Variants in CEP128 observed in about 807,000 individuals in gnomAD.
CEP128 encodes centrosomal protein 128.
CEP128 carries 132 observed loss-of-function variants against 156.7 expected under a neutral mutation model. That is an observed-to-expected ratio of 0.84 (90% CI 0.73 to 0.97). CEP128 has a LOEUF of 0.97. CEP128 is among the 50% of genes least tolerant of loss of function. The pLI is 0.00. For synonymous variants in CEP128, 469 were observed against 448.9 expected (o/e 1.04, Z -0.57); for missense variants, 1,252 against 1,281.9 (o/e 0.98, Z 0.36).
At chr14:80,647,064 TATATATATATATATATATATATAC>T (rs1461624861) in intron 19 of CEP128, among the ~76,000 whole-genome samples, 1 of 26,428 alleles carries the variant, frequency 3.8e-5, no homozygotes, top group African/African-American at 7.2e-5. Context: ...TATATATATA[TATATATATATATATATATATATAC>T]ACCCTTATAA....
chr14:80,852,110 T>A (rs1001147579), intron 9 of CEP128, among the ~76,000 whole-genome samples: 1 of 152,058 alleles, frequency 6.6e-6, no homozygotes, highest in Non-Finnish European at 1.5e-5. Flanking sequence ...ATGTATGACA[T>A]GCACAAGCAC....
chr14:80,881,650 T>A (rs780874603), intron 8 of CEP128, among the ~76,000 whole-genome samples: 3 of 152,176 alleles, frequency 2.0e-5, no homozygotes, highest in Non-Finnish European at 4.4e-5. Flanking sequence ...ATATCCTTGA[T>A]GAATACTGAT....
rs1301369436 is a variant in CEP128 at position 80,840,727 on chromosome 14, C to T, written c.804G>A (p.Gly268=). 5 of 1,610,942 alleles carry T rather than the reference C, an allele frequency of 3.1e-6. No homozygotes were observed. The highest frequency in any genetic ancestry group is 1.1e-5 in the South Asian group (1 of 90,676). ...TTTGTCTTAGCTTATTTTTTATTGC[C>T]CCCTCATGCTCATCTGCTTTAGCTT... ...KQEAKADEHE[G]AIKNKLRQTE... The change falls in exon 10 of 25, where the codon GGG becomes GGA. Residue 268 remains glycine, a synonymous_variant. Transcript: ENST00000555265.
intron 24 of CEP128, among the ~76,000 whole-genome samples, chr14:80,501,873 A>G (rs1374277136): frequency 6.6e-6 from 1 of 151,756 alleles, no homozygotes; most frequent in Non-Finnish European, 1.5e-5. Flanking sequence ...TCTCAAGCAG[A>G]AGCACCTCTC....
At chr14:80,655,816 C>T (rs1405155502) in intron 19 of CEP128, among the ~76,000 whole-genome samples, 1 of 152,158 alleles carries the variant, frequency 6.6e-6, no homozygotes, top group Non-Finnish European at 1.5e-5. Flanking sequence ...GAGATAAAGC[C>T]AGATCCCTGT....
chr14:80,886,817 T>C (rs1888829688), intron 8 of CEP128, among the ~76,000 whole-genome samples: 1 of 152,184 alleles, frequency 6.6e-6, no homozygotes, highest in African/African-American at 2.4e-5. Flanking sequence ...ATGCCCCAAT[T>C]AAAAGACACA....
intron 21 of CEP128, among the ~76,000 whole-genome samples, chr14:80,554,115 CT>C (rs778515812): frequency 2.6e-5 from 4 of 152,034 alleles, no homozygotes; most frequent in Non-Finnish European, 4.4e-5. Flanking sequence ...TGGGGATGGC[CT>C]TTTCAAATTT....
At chr14:80,923,612 C>CA (rs747821388) in intron 2 of CEP128, among the ~76,000 whole-genome samples, 123 of 152,318 alleles carry the variant, frequency 8.1e-4, no homozygotes, top group Non-Finnish European at 1.3e-3. Flanking sequence ...CTGTGGCCTC[C>CA]AAGTGCCTCA....
At chr14:80,842,884 ACAG>A (rs1886409643) in intron 9 of CEP128, among the ~76,000 whole-genome samples, 1 of 152,014 alleles carries the variant, frequency 6.6e-6, no homozygotes, top group South Asian at 2.1e-4. Context: ...GTTGAAGATC[ACAG>A]CAACAACAAT....
chr14:80,499,529 A>G lies in CEP128; in HGVS notation c.3182-1947T>C, dbSNP rs542191208. ...CATATTTTCCCCATGAAGAATAACAATTCCTTCCTTTTGGGCTTATTTATT... is the reference window on the plus strand; with the variant it reads ...CATATTTTCCCCATGAAGAATAACAGTTCCTTCCTTTTGGGCTTATTTATT... On this transcript the variant is annotated intron_variant, in intron 24 of 24. Coordinates refer to ENST00000555265, the MANE Select transcript of CEP128 (RefSeq NM_152446.5). Among the ~76,000 whole-genome samples, 14 of 152,316 alleles carry G rather than the reference A, an allele frequency of 9.2e-5. No individual in the cohort carries two copies. In the East Asian group the frequency reaches 2.7e-3, roughly 29 times the overall value.
intron 13 of CEP128, among the ~76,000 whole-genome samples, chr14:80,816,535 C>T (rs1177518852): frequency 1.3e-5 from 2 of 152,208 alleles, no homozygotes; most frequent in East Asian, 3.9e-4. Flanking sequence ...GCCCAGCCAG[C>T]ACCCTACTTC....
At chr14:80,755,189 G>C (rs903751510) in intron 18 of CEP128, among the ~76,000 whole-genome samples, 6 of 152,172 alleles carry the variant, frequency 3.9e-5, no homozygotes, top group African/African-American at 1.4e-4. Flanking sequence ...CATGCTGGAT[G>C]CTTCCTGCCC....
intron 21 of CEP128, among the ~76,000 whole-genome samples, chr14:80,553,476 T>C (rs938757845): frequency 6.6e-6 from 1 of 152,220 alleles, no homozygotes; most frequent in Non-Finnish European, 1.5e-5. Flanking sequence ...TTTCCGTTTC[T>C]GGGTTCTCTA....
At chr14:80,618,743 C>A (rs1893336901) in intron 19 of CEP128, among the ~76,000 whole-genome samples, 1 of 152,126 alleles carries the variant, frequency 6.6e-6, no homozygotes, top group Non-Finnish European at 1.5e-5. Flanking sequence ...AAGCTGGGAC[C>A]CTCTCTAAAG....
intron 19 of CEP128, among the ~76,000 whole-genome samples, chr14:80,685,090 C>T (rs1236372223): frequency 6.6e-6 from 1 of 152,040 alleles, no homozygotes; most frequent in Non-Finnish European, 1.5e-5. Context: ...AATAGAAGTT[C>T]TAGCCAAAGC....
chr14:80,503,489 A>G (rs1566743400), intron 24 of CEP128, among the ~76,000 whole-genome samples: 1 of 152,146 alleles, frequency 6.6e-6, no homozygotes, highest in East Asian at 1.9e-4. Context: ...CTCTAGGTGC[A>G]TTTCTAGAAA....
intron 19 of CEP128, among the ~76,000 whole-genome samples, chr14:80,586,528 G>A (rs1428230349): frequency 6.6e-6 from 1 of 151,992 alleles, no homozygotes; most frequent in Non-Finnish European, 1.5e-5. Flanking sequence ...TTCAAGATTT[G>A]TATTGAAATG....
At chr14:80,771,932 C>T (rs1207479031) in intron 16 of CEP128, among the ~76,000 whole-genome samples, 1 of 152,198 alleles carries the variant, frequency 6.6e-6, no homozygotes, top group East Asian at 1.9e-4. Context: ...AGTCAGTTAA[C>T]TCTTTGGGCC....
At chr14:80,770,959 C>T (rs1335984537) in intron 16 of CEP128, among the ~76,000 whole-genome samples, 28 of 152,136 alleles carry the variant, frequency 1.8e-4, no homozygotes. Flanking sequence ...GACAATGTGA[C>T]TTTGCAAAGT....
Sources: allele counts gnomAD v4.1 joint callset (sites outside exome capture counted in the v4.1 genomes callset), GRCh38; gene constraint gnomAD v4.1.1; transcripts MANE v1.5; gene names NCBI Gene and HGNC (gene_info 2026-07-23, HGNC 2026-07-21).